The following ABCB4 variants were observed in gnomAD, a reference collection of about 807,000 sequenced individuals.
ABCB4 encodes phosphatidylcholine translocator ABCB4.
In ABCB4, 76 loss-of-function variants were observed where a neutral mutation model predicts 145.7. The ratio of observed to expected loss-of-function variants is 0.52; its 90% CI spans 0.43 to 0.63. The LOEUF (loss-of-function observed/expected upper bound fraction) is 0.63. Among genes scored for constraint, ABCB4 ranks in the 30% least tolerant of loss-of-function variants. ABCB4 has a pLI of 0.00. For missense variants in ABCB4, 1,234 were observed against 1,553.1 expected, an observed-to-expected ratio of 0.79 and a Z score of 3.45; for synonymous variants, 517 against 566.8, an observed-to-expected ratio of 0.91 and a Z score of 1.25.
chr7:87,423,687 A>G, intron 17 of ABCB4: 1 of 579,558 alleles, frequency 1.7e-6, no homozygotes, highest in Non-Finnish European at 3.0e-6. Context: ...TTCTTCATTG[A>G]TTTTACATTT....
chr7:87,434,383 A>G (rs1810467367), intron 14 of ABCB4, among the ~76,000 whole-genome samples: 1 of 152,194 alleles, frequency 6.6e-6, no homozygotes, highest in South Asian at 2.1e-4. Context: ...TCTTATATTT[A>G]ATAGCATTTT....
intron 21 of ABCB4, among the ~76,000 whole-genome samples, chr7:87,414,921 G>A (rs1808865851): frequency 6.6e-6 from 1 of 152,126 alleles, no homozygotes; most frequent in African/African-American, 2.4e-5. Context: ...TGAGAGAACC[G>A]AGGCACAGAG....
chr7:87,367,196 T>A, the ABCB4 span, among the ~76,000 whole-genome samples: 1 of 152,136 alleles, frequency 6.6e-6, no homozygotes, highest in Non-Finnish European at 1.5e-5. Context: ...GTGCCCAAAG[T>A]ATATAATCAC....
the ABCB4 span, among the ~76,000 whole-genome samples, chr7:87,394,718 G>A: frequency 6.6e-6 from 1 of 152,068 alleles, no homozygotes; most frequent in Admixed American, 6.6e-5. Context: ...GCTATAAAAA[G>A]GCATACCTAT....
At chr7:87,436,019 C>T (rs759241693) in intron 14 of ABCB4, among the ~76,000 whole-genome samples, 2 of 152,144 alleles carry the variant, frequency 1.3e-5, no homozygotes, top group African/African-American at 2.4e-5. Flanking sequence ...AGACATTTTA[C>T]TTAATGAACC....
intron 26 of ABCB4, among the ~76,000 whole-genome samples, chr7:87,405,427 C>CT (rs55698863): frequency 0.67 from 89,390 of 133,684 alleles, 31,710 homozygotes; most frequent in Middle Eastern, 0.8. Context: ...TGTTCTGTAT[C>CT]TTTTTTTTTT....
the ABCB4 span, chr7:87,392,992 A>G: frequency 1.9e-6 from 3 of 1,613,694 alleles, no homozygotes; most frequent in East Asian, 6.7e-5. Flanking sequence ...CTGGTTGGCT[A>G]TTTACGAGTC....
chr7:87,402,860 A>T (rs927603781), intron 27 of ABCB4, among the ~76,000 whole-genome samples: 4 of 152,106 alleles, frequency 2.6e-5, no homozygotes, highest in African/African-American at 4.8e-5. Context: ...TTAGCTGGGC[A>T]TAGTGGCAGG....
At chr7:87,436,636 AG>A (rs1456269777) in intron 14 of ABCB4, among the ~76,000 whole-genome samples, 1 of 152,188 alleles carries the variant, frequency 6.6e-6, no homozygotes, top group Non-Finnish European at 1.5e-5. Flanking sequence ...CTTAGAGGGA[AG>A]GTAAAAGACC....
chr7:87,369,500 TC>T, the ABCB4 span: 1 of 1,566,706 alleles, frequency 6.4e-7, no homozygotes, highest in South Asian at 1.1e-5. Flanking sequence ...CAGACTACTT[TC>T]TTGAGTTTCA....
the ABCB4 span, among the ~76,000 whole-genome samples, chr7:87,372,636 A>G: frequency 3.9e-5 from 6 of 152,182 alleles, no homozygotes; most frequent in Admixed American, 6.5e-5. Context: ...ACAACTACCA[A>G]TCTACTTTCT....
Position 87,408,094 on chromosome 7 carries a change from C to T in ABCB4, c.3222G>A (p.Gly1074=). The change falls in exon 25 of 28, where the codon GGG becomes GGA. Residue 1074 remains glycine, a synonymous_variant. Transcript: ENST00000649586. ...CCAGGAGCTGGACCACCGTGCTCTT[C>T]CCACAGCCACTGCTGCCCACCAGGG... is the stretch of plus-strand genomic sequence containing the variant. ...TLALVGSSGC[G]KSTVVQLLER... The T allele has an allele frequency of 6.2e-7, 1 of 1,614,256 alleles. No individual in the cohort carries two copies. The highest frequency in any genetic ancestry group is 1.1e-5 in the South Asian group (1 of 91,090).
intron 10 of ABCB4, among the ~76,000 whole-genome samples, chr7:87,444,514 AC>A (rs1003138013): frequency 3.9e-5 from 6 of 152,008 alleles, no homozygotes; most frequent in Non-Finnish European, 5.9e-5. Flanking sequence ...TAATTTATCT[AC>A]CCCCCATCCC....
chr7:87,445,815 C>T (rs1811306901), intron 9 of ABCB4, among the ~76,000 whole-genome samples: 1 of 152,082 alleles, frequency 6.6e-6, no homozygotes, highest in Non-Finnish European at 1.5e-5. Flanking sequence ...AAAATAGTTG[C>T]CATAAGGTTA....
At chr7:87,469,815 T>G (rs1449102031) in intron 3 of ABCB4, among the ~76,000 whole-genome samples, 1 of 152,168 alleles carries the variant, frequency 6.6e-6, no homozygotes, top group Non-Finnish European at 1.5e-5. Flanking sequence ...ATAGATTCAA[T>G]GCCATCCCCA....
intron 4 of ABCB4, among the ~76,000 whole-genome samples, chr7:87,457,391 C>G (rs1390300586): frequency 1.3e-5 from 2 of 152,114 alleles, no homozygotes; most frequent in African/African-American, 2.4e-5. Context: ...GCCTGGGCAA[C>G]AGAGCAAGAC....
At chr7:87,383,792 C>T in the ABCB4 span, among the ~76,000 whole-genome samples, 206 of 152,160 alleles carry the variant, frequency 1.4e-3, no homozygotes, top group African/African-American at 1.7e-3. Flanking sequence ...CCACCACGCC[C>T]GGCCCACATT....
chr7:87,427,148 G>T (rs919670115), intron 15 of ABCB4, among the ~76,000 whole-genome samples: 3 of 151,998 alleles, frequency 2.0e-5, no homozygotes, highest in Non-Finnish European at 4.4e-5. Context: ...CGGAGTATAA[G>T]AATATTTTCT....
chr7:87,409,439 C>A, intron 23 of ABCB4, 47 bp from the exon 24 acceptor site: 1 of 1,594,406 alleles, frequency 6.3e-7, no homozygotes, highest in South Asian at 1.1e-5. Context: ...ATAATTAACT[C>A]CATGATGTTT....
Sources: gnomAD v4.1 joint callset for allele counts (sites outside exome capture counted in the v4.1 genomes callset) on GRCh38, gnomAD v4.1.1 for gene constraint, MANE v1.5 for transcripts, NCBI Gene and HGNC (gene_info 2026-07-23, HGNC 2026-07-21) for gene names.